Variants in NIPBL observed in about 807,000 individuals in gnomAD.
The protein encoded by NIPBL is nipped-B-like protein.
A neutral mutation model predicts 321.8 loss-of-function variants in NIPBL; 19 were observed. The observed-to-expected ratio is 0.06, with a 90% CI of 0.04 to 0.09. The LOEUF (loss-of-function observed/expected upper bound fraction) is 0.09, where lower values mean the gene tolerates loss of function less well. Among genes scored for constraint, NIPBL ranks in the 10% least tolerant of loss-of-function variants. The probability of loss-of-function intolerance (pLI) is 1.00; values close to 1 mark genes in which losing one functional copy is unlikely to be tolerated. For missense variants in NIPBL, 2,210 were observed against 3,327.0 expected (o/e 0.66, Z 8.26); for synonymous variants, 1,106 against 1,114.1 (o/e 0.99, Z 0.14).
At chr5:36,913,348 G>A (rs1015934025) in intron 1 of NIPBL, among the ~76,000 whole-genome samples, 32 of 149,698 alleles carry the variant, frequency 2.1e-4, no homozygotes, top group African/African-American at 7.6e-4. Context: ...ATGTAAAAAT[G>A]TATTTTTATA....
chr5:36,914,845 TAC>T (rs1307464651), intron 1 of NIPBL, among the ~76,000 whole-genome samples: 2 of 152,202 alleles, frequency 1.3e-5, no homozygotes, highest in African/African-American at 2.4e-5. Flanking sequence ...TGCCCAGAGT[TAC>T]AGAGTCTGTC....
chr5:37,041,469 T>G (rs1351371835), intron 34 of NIPBL, among the ~76,000 whole-genome samples: 3 of 151,934 alleles, frequency 2.0e-5, no homozygotes, highest in Non-Finnish European at 4.4e-5. Flanking sequence ...TTCACTATGT[T>G]GGCCAGACTG....
In NIPBL at chr5:36,886,200, C is replaced by T. The variant is rs1419659176; in HGVS notation, c.-80+9022C>T. 6.1e-6 allele frequency: 4 copies of T among 654,098 alleles called. No homozygotes were observed. The African/African-American group carries it at 7.1e-5, about 12-fold the overall frequency. The allele number at this position is 654,098 out of a possible 1,614,324, so 40.5% of individuals were successfully genotyped here. On this transcript the variant is annotated intron_variant, in intron 1 of 46. Coordinates refer to ENST00000282516, the MANE Select transcript of NIPBL (RefSeq NM_133433.4). ...TGAGGGAGGTGGAGACCTGCTATGC[C>T]CTGCAGGTAGAGCAGCTCAACAGAA...
intron 16 of NIPBL, among the ~76,000 whole-genome samples, chr5:37,004,027 A>G (rs973799889): frequency 6.6e-6 from 1 of 152,156 alleles, no homozygotes; most frequent in Admixed American, 6.6e-5. Flanking sequence ...TGATTTCCTA[A>G]TATATACTAA....
chr5:36,961,484 G>A lies in NIPBL; in HGVS notation c.359G>A (p.Gly120Glu). The A allele has an allele frequency of 1.3e-6, 2 of 1,583,018 alleles. No homozygotes were observed. The highest frequency in any genetic ancestry group is 8.7e-7 in the Non-Finnish European group (1 of 1,151,828). ...KSMQNRYVQS[G>E]MMMSQYKLSQ... ...TTCTGTATTTTTGTGTTTTGCATAG[G>A]AATGATGATGTCTCAGTATAAACTT... Residue 120 changes from glycine to glutamate, a missense_variant and splice_region_variant, in exon 5 of 47, where the codon GGA becomes GAA. Gly to Glu is a moderately conservative substitution (Grantham distance 98). Transcript: ENST00000282516.
At chr5:36,885,885 T>C in intron 1 of NIPBL, 1 of 733,304 alleles carries the variant, frequency 1.4e-6, no homozygotes, top group Non-Finnish European at 2.5e-6. Flanking sequence ...CAAGCCCAGC[T>C]CACCAGCTCT....
chr5:36,890,227 A>T (rs1354052559), intron 1 of NIPBL, among the ~76,000 whole-genome samples: 1 of 151,896 alleles, frequency 6.6e-6, no homozygotes, highest in Non-Finnish European at 1.5e-5. Context: ...ATAATGAGGC[A>T]GTGAACATCT....
At chr5:37,024,822 A>G (rs987314712) in intron 30 of NIPBL, 103 bp downstream of exon 30, 3 of 900,018 alleles carry the variant, frequency 3.3e-6, no homozygotes, top group East Asian at 2.7e-5. Flanking sequence ...ACACTTTACA[A>G]TGAATCGTTT....
intron 16 of NIPBL, among the ~76,000 whole-genome samples, chr5:37,005,573 T>G (rs1339014280): frequency 6.6e-6 from 1 of 152,202 alleles, no homozygotes; most frequent in African/African-American, 2.4e-5. Flanking sequence ...TTATCTTTCC[T>G]TTGTGAGGTT....
chr5:36,892,751 A>G (rs539760440), intron 1 of NIPBL, among the ~76,000 whole-genome samples: 1 of 151,968 alleles, frequency 6.6e-6, no homozygotes, highest in Non-Finnish European at 1.5e-5. Flanking sequence ...GAACCCTTGG[A>G]CACAGGAGGG....
At chr5:37,056,165 G>A (rs529766042) in intron 42 of NIPBL, among the ~76,000 whole-genome samples, 1 of 152,046 alleles carries the variant, frequency 6.6e-6, no homozygotes, top group Non-Finnish European at 1.5e-5. Context: ...ATGAGGTAGG[G>A]TTTTATGTCT....
intron 32 of NIPBL, among the ~76,000 whole-genome samples, chr5:37,035,660 T>C (rs958261162): frequency 1.3e-5 from 2 of 152,226 alleles, no homozygotes; most frequent in Non-Finnish European, 2.9e-5. Flanking sequence ...AGCAAAGATA[T>C]AGAATATTTC....
chr5:36,895,131 C>T lies in NIPBL; in HGVS notation c.-80+17953C>T, dbSNP rs1276438948. Among the ~76,000 whole-genome samples the T allele has an allele frequency of 2.0e-5, 3 of 152,212 alleles. No individual in the cohort carries two copies. The South Asian group carries it at 6.2e-4, about 32-fold the overall frequency. On this transcript the variant is annotated intron_variant, in intron 1 of 46. Coordinates refer to ENST00000282516, the MANE Select transcript of NIPBL (RefSeq NM_133433.4). ...ATTTTCATCACCCCCCAAAAAACCA[C>T]GTTTCCATTAGTGGTCACACCCTGT...
chr5:36,952,053 T>TGTGC (rs778597604), intron 1 of NIPBL, among the ~76,000 whole-genome samples: 2,505 of 112,072 alleles, frequency 0.022, 39 homozygotes, highest in East Asian at 0.057. Context: ...TGTGTGTGTG[T>TGTGC]GCGCGCGCGC....
chr5:36,907,323 C>T (rs959553719), intron 1 of NIPBL, among the ~76,000 whole-genome samples: 5 of 152,006 alleles, frequency 3.3e-5, no homozygotes, highest in African/African-American at 1.2e-4. Flanking sequence ...TAGGTGAGTC[C>T]CATATATTTT....
Position 37,016,141 on chromosome 5 carries a change from C to A in NIPBL, c.4747C>A (p.Leu1583Ile). Residue 1583 changes from leucine (L) to isoleucine (I), a missense_variant, in exon 23 of 47, where the codon CTA becomes ATA. Leu to Ile is a conservative substitution (Grantham distance 5, BLOSUM62 2). Transcript: ENST00000282516. Reference sequence around the variant, plus strand: ...TAAGCCTGAATGGCCAGCTGCTGAACTACTCCTTAGTTTGTTAGGGAGACT... The same window carrying A: ...TAAGCCTGAATGGCCAGCTGCTGAAATACTCCTTAGTTTGTTAGGGAGACT... ...VNKPEWPAAELLLSLLGRLLV... is the reference protein window; with the variant it reads ...VNKPEWPAAEILLSLLGRLLV... 1 of 1,613,936 alleles carries A rather than the reference C, an allele frequency of 6.2e-7. No individual in the cohort carries two copies. Among genetic ancestry groups the A allele is most frequent in the Non-Finnish European group, 8.5e-7 (1 of 1,179,908 alleles).
At chr5:36,923,127 AT>A (rs1425300672) in intron 1 of NIPBL, among the ~76,000 whole-genome samples, 1 of 152,012 alleles carries the variant, frequency 6.6e-6, no homozygotes, top group African/African-American at 2.4e-5. Context: ...AATTTTTGTA[AT>A]TTTGTACTAA....
intron 23 of NIPBL, among the ~76,000 whole-genome samples, 188 bp downstream of exon 23, chr5:37,016,358 GT>G (rs1748994438): frequency 1.3e-5 from 2 of 151,846 alleles, no homozygotes; most frequent in South Asian, 4.1e-4. Context: ...ATGTTGTGAA[GT>G]TTGGTGCTTT....
At chr5:37,042,898 C>T (rs916084324) in intron 34 of NIPBL, among the ~76,000 whole-genome samples, 9 of 148,638 alleles carry the variant, frequency 6.1e-5, no homozygotes, top group Admixed American at 4.7e-4. Context: ...CACACACGCG[C>T]GCACACACAC....
Sources: allele counts gnomAD v4.1 joint callset (sites outside exome capture counted in the v4.1 genomes callset), GRCh38; gene constraint gnomAD v4.1.1; transcripts MANE v1.5; gene names NCBI Gene and HGNC (gene_info 2026-07-23, HGNC 2026-07-21).